Variants in ARMC5 observed in about 807,000 individuals in gnomAD.
ARMC5 encodes the protein armadillo repeat-containing protein 5.
Under a neutral mutation model 60.5 loss-of-function variants are expected in ARMC5, and 28 were observed. The ratio of observed to expected loss-of-function variants is 0.46; its 90% confidence interval spans 0.34 to 0.63. The LOEUF is 0.63. Ranked by LOEUF, ARMC5 falls within the 30% of genes least tolerant of loss-of-function variation. ARMC5 has a pLI of 0.01. For missense variants in ARMC5, 1,189 were observed against 1,304.9 expected (o/e 0.91, Z 1.37); for synonymous variants, 680 against 607.3 (o/e 1.12, Z -1.76).
rs1225702640 is a variant in ARMC5 at position 31,464,536 on chromosome 16, C to T, written c.1513C>T (p.Arg505Cys). 1.3e-5 allele frequency: 20 copies of T among 1,594,568 alleles called. No individual in the cohort carries two copies. The highest frequency in any genetic ancestry group is 3.3e-4 in the Middle Eastern group (2 of 6,004). The stretch of plus-strand genomic sequence containing the variant: ...CTCGCTGCGGGCACCACGCACCCAA[C>T]GCACTCCGGGCCGCAGCCCCGCCGC... ...PTSLRAPRTQ[R>C]TPGRSPAAAI... The change falls in exon 4 of 6, where the codon CGC becomes TGC. Residue 505 changes from arginine to cysteine, a missense_variant. Coordinates refer to ENST00000268314, the MANE Select transcript of ARMC5 (RefSeq NM_001105247.2). The surrounding 1 kb of genome is among the most constrained non-coding windows in gnomAD (Gnocchi z 7.6).
rs370522963 is a variant in ARMC5 at position 31,461,915 on chromosome 16, G to A, written c.476-7G>A. On this transcript the variant is annotated splice_polypyrimidine_tract_variant and splice_region_variant and intron_variant, in intron 1 of 5. Coordinates refer to ENST00000268314, the MANE Select transcript of ARMC5 (RefSeq NM_001105247.2). ...AGAACCCTCACAAGCCCAAACTGTC[G>A]TTGCAGTGACCATTCTTCAGTGCAT... 2.0e-5 allele frequency: 32 copies of A among 1,613,040 alleles called. No homozygotes were observed. Among genetic ancestry groups the A allele is most frequent in the African/African-American group, 9.3e-5 (7 of 74,896 alleles).
chr16:31,458,757 T>A (rs907248363), upstream of ARMC5: 17 of 1,485,772 alleles, frequency 1.1e-5, no homozygotes, highest in Non-Finnish European at 1.5e-5. Context: ...GGGACGCGAA[T>A]GTCCCGCTCC....
chr16:31,462,426 C>T lies in ARMC5; in HGVS notation c.879C>T (p.Pro293=), dbSNP rs1272954507. Residue 293 remains proline (P), a synonymous_variant, in exon 3 of 6, where the codon CCC becomes CCT. Transcript: ENST00000268314. The surrounding 1 kb of genome is among the most constrained non-coding windows in gnomAD (Gnocchi z 7.2). The part of the protein sequence containing the change: ...LGPLVSLASH[P]KRAVREGTIL... ...CACTCGTCAGCCTGGCTTCCCACCC[C>T]AAGCGGGCAGTACGCGAGGGAACCA... 2 of 1,611,448 alleles carry T rather than the reference C, an allele frequency of 1.2e-6. No individual in the cohort carries two copies. The highest frequency in any genetic ancestry group is 1.7e-5 in the Admixed American group (1 of 59,950).
At chr16:31,458,554 C>A, upstream of ARMC5, 1 of 1,516,850 alleles carries the variant, frequency 6.6e-7, no homozygotes, top group Admixed American at 2.0e-5. Context: ...GCCGGGGAGG[C>A]AGGCTGTGGT....
chr16:31,458,831 G>C (rs982928693), upstream of ARMC5: 139 of 1,533,534 alleles, frequency 9.1e-5, 1 homozygote, highest in Non-Finnish European at 1.2e-4. Flanking sequence ...TGCGCTGCGA[G>C]TGAAGAACTC....
Position 31,461,953 on chromosome 16 carries a change from C to T in ARMC5, c.507C>T (p.Ser169=), listed in dbSNP as rs748876474. 1 of 1,614,226 alleles carries T rather than the reference C, an allele frequency of 6.2e-7. No individual in the cohort carries two copies. The highest frequency in any genetic ancestry group is 1.1e-5 in the South Asian group (1 of 91,088). The change falls in exon 2 of 6, where the codon AGC becomes AGT. Residue 169 remains serine, a synonymous_variant. Transcript: ENST00000268314. ...TTCTTCAGTGCATGAAGACAGACAG[C>T]ATCCAGAACCGAACGGCCCGTGCCC... ...VTILQCMKTD[S]IQNRTARALG...
At chr16:31,459,174 G>A (rs1195331853), upstream of ARMC5, 9 of 1,514,262 alleles carry the variant, frequency 5.9e-6, no homozygotes, top group African/African-American at 1.4e-5. Context: ...GGCGGGGCAC[G>A]GCACGAAGGC....
chr16:31,458,323 G>A, upstream of ARMC5: 1 of 1,342,534 alleles, frequency 7.4e-7, no homozygotes, highest in Non-Finnish European at 1.0e-6. Context: ...CGGTGTGAGC[G>A]CGCTGGTGCT....
At position 31,459,550 on chromosome 16, in the gene ARMC5, C is replaced by T. The variant is rs1166729776; in HGVS notation, c.26C>T (p.Thr9Met). ...ATGGCGGCTGCGAAGCCAACCCTCA[C>T]GGACTCGCTCTCGTTCTGCCTCGCG... MAAAKPTL[T>M]DSLSFCLAQL... The change falls in exon 1 of 6, where the codon ACG becomes ATG. Residue 9 changes from threonine to methionine, a missense_variant. Around this residue, in one of 2 missense-constraint regions of ARMC5, gnomAD observed 327 missense variants for 233.7 expected, o/e 1.40. Coordinates refer to ENST00000268314, the MANE Select transcript of ARMC5 (RefSeq NM_001105247.2). 8.1e-6 allele frequency: 13 copies of T among 1,606,136 alleles called. No individual in the cohort carries two copies. The highest frequency in any genetic ancestry group is 3.3e-5 in the Admixed American group (2 of 59,744).
Position 31,466,007 on chromosome 16 carries a change from G to A in ARMC5, c.1997+25G>A, listed in dbSNP as rs572721846. On this transcript the variant is annotated intron_variant, in intron 5 of 5. Transcript: ENST00000268314. The surrounding 1 kb of genome is among the most constrained non-coding windows in gnomAD (Gnocchi z 8.0). Reference sequence around the variant, plus strand: ...GGTGAGTGGGAAGTGGGTGCCTTGCGGGGTTGGGGGAGGAGTGCTGTGTTT... The same window carrying A: ...GGTGAGTGGGAAGTGGGTGCCTTGCAGGGTTGGGGGAGGAGTGCTGTGTTT... The A allele has an allele frequency of 2.6e-5, 42 of 1,597,670 alleles. No individual in the cohort carries two copies. The South Asian group carries it at 3.0e-4, about 11-fold the overall frequency.
At chr16:31,460,172 A>G (rs1402384905) in intron 1 of ARMC5, 173 bp downstream of exon 1, 3 of 635,088 alleles carry the variant, frequency 4.7e-6, no homozygotes, top group Non-Finnish European at 7.7e-6. Context: ...CACTCTCTAT[A>G]GATGAGAGAG....
Position 31,466,314 on chromosome 16 carries a change from G to T in ARMC5, c.2233G>T (p.Val745Phe), listed in dbSNP as rs773682343. Residue 745 changes from valine (V) to phenylalanine (F), a missense_variant, in exon 6 of 6, where the codon GTC (valine) becomes TTC (phenylalanine). This residue lies in a region of ARMC5 where 862 missense variants were observed against 1,071.2 expected (regional missense o/e 0.80). Transcript: ENST00000268314. This position sits in a 1 kb window ranked among gnomAD's most constrained non-coding sequence, Gnocchi z 8.0. The part of the protein sequence containing the change: ...LYEPLLGPAP[V>F]PAPDLHFLLD... ...TGAACCTCTGCTGGGCCCAGCCCCT[G>T]TCCCAGCTCCCGACCTGCACTTCCT... 6 of 1,613,794 alleles carry T rather than the reference G, an allele frequency of 3.7e-6. No homozygotes were observed. Among genetic ancestry groups the T allele is most frequent in the Non-Finnish European group, 8.5e-7 (1 of 1,179,874 alleles).
In ARMC5 at chr16:31,466,722, G is replaced by GCTGC. The variant is rs2082364128; in HGVS notation, c.2643_2646dup (p.His883CysfsTer30). On this transcript the variant is annotated frameshift_variant, in exon 6 of 6. Transcript: ENST00000268314. LOFTEE classifies it high-confidence loss of function. The surrounding 1 kb of genome is among the most constrained non-coding windows in gnomAD (Gnocchi z 8.0). ...GTTCCGCCTGGGCCGGCCCCGGCTGGCTGCCCACTGTGCCCGCTGGACACT... is the reference window on the plus strand; with the variant it reads ...GTTCCGCCTGGGCCGGCCCCGGCTGGCTGCCTGCCCACTGTGCCCGCTGGACACT... 1 of 1,559,658 alleles carries GCTGC rather than the reference G, an allele frequency of 6.4e-7. No homozygotes were observed. Among genetic ancestry groups the GCTGC allele is most frequent in the Admixed American group, 1.9e-5 (1 of 51,594 alleles).
At chr16:31,459,051 C>T (rs1693218628), upstream of ARMC5, 2 of 1,509,440 alleles carry the variant, frequency 1.3e-6, no homozygotes, top group South Asian at 2.5e-5. Flanking sequence ...CCCGCACTTT[C>T]GGCCCGGCTC....
chr16:31,465,633 C>G (rs1189770518), intron 4 of ARMC5: 5 of 1,410,900 alleles, frequency 3.5e-6, no homozygotes, highest in Non-Finnish European at 3.7e-6. Context: ...GCCGCCCACA[C>G]TTCAGGGGCC....
Position 31,465,134 on chromosome 16 carries a change from C to CCG in ARMC5, c.1864+251_1864+252dup, listed in dbSNP as rs761413187. 5 of 1,613,864 alleles carry CCG rather than the reference C, an allele frequency of 3.1e-6. No individual in the cohort carries two copies. The Admixed American group carries it at 6.7e-5, about 22-fold the overall frequency. On this transcript the variant is annotated intron_variant, in intron 4 of 5. Transcript: ENST00000268314. ...AGATACCCTAACTCTAGATGCAGCC[C>CCG]CGCGCCCAGGATCTGGGCTGGTCTG...
At chr16:31,459,355 C>A, upstream of ARMC5, 1 of 1,536,066 alleles carries the variant, frequency 6.5e-7, no homozygotes, top group African/African-American at 1.4e-5. Flanking sequence ...TGCCGCGCCT[C>A]GTGTGCAAGG....
In ARMC5 at chr16:31,459,552, G is replaced by A; in HGVS notation, c.28G>A (p.Asp10Asn). 1 of 1,606,370 alleles carries A rather than the reference G, an allele frequency of 6.2e-7. No homozygotes were observed. Among genetic ancestry groups the A allele is most frequent in the East Asian group, 2.2e-5 (1 of 44,792 alleles). MAAAKPTLT[D>N]SLSFCLAQLA... is the part of the protein sequence containing the mutation. ...GGCGGCTGCGAAGCCAACCCTCACG[G>A]ACTCGCTCTCGTTCTGCCTCGCGCA... Residue 10 changes from aspartate (D) to asparagine (N), a missense_variant, in exon 1 of 6, where the codon GAC becomes AAC. By Grantham distance (23) the Asp-to-Asn change is conservative. This residue lies in a region of ARMC5 where 327 missense variants were observed against 233.7 expected (regional missense o/e 1.40). Coordinates refer to ENST00000268314, the MANE Select transcript of ARMC5 (RefSeq NM_001105247.2).
In ARMC5 at chr16:31,462,337, G is replaced by A. The variant is rs1227375712; in HGVS notation, c.790G>A (p.Glu264Lys). The change falls in exon 3 of 6, where the codon GAA becomes AAA. Residue 264 changes from glutamate (E) to lysine (K), a missense_variant. Coordinates refer to ENST00000268314, the MANE Select transcript of ARMC5 (RefSeq NM_001105247.2). The surrounding 1 kb of genome is among the most constrained non-coding windows in gnomAD (Gnocchi z 7.2). ...CTTAGCCCTCGTCCGTGCCCTCCTG[G>A]AACTCAGCCGAGGCTGCTCCCGGGC... Reference protein sequence around the residue: ...LTLALVRALLELSRGCSRACA... With the variant: ...LTLALVRALLKLSRGCSRACA... 1 of 1,610,636 alleles carries A rather than the reference G, an allele frequency of 6.2e-7. No individual in the cohort carries two copies. The highest frequency in any genetic ancestry group is 8.5e-7 in the Non-Finnish European group (1 of 1,179,170).
Sources: allele counts gnomAD v4.1 joint callset, GRCh38; gene constraint gnomAD v4.1.1; regional missense constraint gnomAD v4.1.1; non-coding constraint Gnocchi (gnomAD v3.1); transcripts MANE v1.5; gene names NCBI Gene and HGNC (gene_info 2026-07-23, HGNC 2026-07-21).